The following GALNT13 variants were observed in gnomAD, a reference collection of about 807,000 sequenced individuals.
GALNT13 encodes the protein polypeptide N-acetylgalactosaminyltransferase 13.
A neutral mutation model predicts 64.2 loss-of-function variants in GALNT13; 28 were observed. That is an observed-to-expected ratio of 0.44 (90% CI 0.32 to 0.60). The LOEUF (loss-of-function observed/expected upper bound fraction) is 0.60. Among genes scored for constraint, GALNT13 ranks in the 20% least tolerant of loss-of-function variants. GALNT13 has a pLI of 0.05. For missense variants in GALNT13, 577 were observed against 669.8 expected (o/e 0.86, Z 1.53); for synonymous variants, 214 against 224.6 (o/e 0.95, Z 0.42).
At chr2:154,145,995 C>A (rs1054693220) in intron 4 of GALNT13, among the ~76,000 whole-genome samples, 6 of 151,828 alleles carry the variant, frequency 4.0e-5, no homozygotes, top group African/African-American at 1.4e-4. Context: ...TAAAAATCTT[C>A]CCTGTGAAGA....
At chr2:154,272,568 A>T (rs1043855423) in intron 8 of GALNT13, among the ~76,000 whole-genome samples, 7 of 152,112 alleles carry the variant, frequency 4.6e-5, no homozygotes, top group African/African-American at 1.7e-4. Flanking sequence ...CAGCGGTTTG[A>T]ATTTATGGCA....
chr2:153,353,828 T>A, the GALNT13 span, among the ~76,000 whole-genome samples: 3 of 152,208 alleles, frequency 2.0e-5, no homozygotes, highest in African/African-American at 7.2e-5. Context: ...ATTCTTTTGA[T>A]ATATCTTTGG....
chr2:153,636,871 T>C, the GALNT13 span, among the ~76,000 whole-genome samples: 4 of 152,106 alleles, frequency 2.6e-5, no homozygotes, highest in African/African-American at 9.7e-5. Flanking sequence ...TAGTCTAGCC[T>C]GGAGAGGATA....
rs1324392148 is a variant in GALNT13 at position 154,417,493 on chromosome 2, A to ATTTATTTATTTATTTG, written c.1395+8426_1395+8427insGTTTATTTATTTATTT. On this transcript the variant is annotated intron_variant, in intron 11 of 12. Coordinates refer to ENST00000392825, the MANE Select transcript of GALNT13 (RefSeq NM_052917.4). ...TTTGCCATGACCTTGCCATGCTTTT[A>ATTTATTTATTTATTTG]TTTATTTATTTATTTATTTATTTAT... Among the ~76,000 whole-genome samples the ATTTATTTATTTATTTG allele has an allele frequency of 1.5e-3, 184 of 122,066 alleles. 1 individual carries two copies. Among genetic ancestry groups the ATTTATTTATTTATTTG allele is most frequent in the African/African-American group, 6.0e-3 (170 of 28,142 alleles). The allele number at this position is 122,066 out of a possible 152,430, so 80.1% of individuals were successfully genotyped here. A position where few individuals can be genotyped will look rare whatever the true frequency, so the allele number is the denominator to read the frequency against.
At chr2:153,905,214 A>G (rs1395075665) in intron 2 of GALNT13, among the ~76,000 whole-genome samples, 2 of 151,980 alleles carry the variant, frequency 1.3e-5, no homozygotes, top group African/African-American at 4.8e-5. Flanking sequence ...TCTATTGTTA[A>G]GTAAATTTTT....
At chr2:153,490,909 G>A in the GALNT13 span, among the ~76,000 whole-genome samples, 69,922 of 149,796 alleles carry the variant, frequency 0.47, 16,933 homozygotes, top group East Asian at 0.75. Context: ...GCAATGAGCC[G>A]AGATTGTGCC....
At chr2:153,297,990 T>C in the GALNT13 span, among the ~76,000 whole-genome samples, 1 of 152,182 alleles carries the variant, frequency 6.6e-6, no homozygotes, top group Non-Finnish European at 1.5e-5. Flanking sequence ...TTAGGAGTTC[T>C]TGCAGCTAAA....
intron 3 of GALNT13, among the ~76,000 whole-genome samples, chr2:153,960,730 C>T (rs1468963804): frequency 6.6e-6 from 1 of 152,132 alleles, no homozygotes; most frequent in African/African-American, 2.4e-5. Flanking sequence ...AGCTGGTCTT[C>T]AGTCTGGTCC....
intron 4 of GALNT13, among the ~76,000 whole-genome samples, chr2:154,158,485 G>C (rs1482797396): frequency 6.6e-6 from 1 of 152,080 alleles, no homozygotes; most frequent in African/African-American, 2.4e-5. Flanking sequence ...TTTTGGTTTT[G>C]TTTTTATTTG....
chr2:154,363,861 C>T (rs1697214792), intron 9 of GALNT13, among the ~76,000 whole-genome samples: 1 of 152,170 alleles, frequency 6.6e-6, no homozygotes, highest in Non-Finnish European at 1.5e-5. Context: ...TATTTGAGAA[C>T]TGCCTAGTGG....
the GALNT13 span, chr2:153,173,093 ATCTATG>A: frequency 6.6e-6 from 1 of 151,928 alleles, no homozygotes; most frequent in African/African-American, 2.4e-5. Context: ...CTATATCTAT[ATCTATG>A]TCTATATCTA....
chr2:154,385,142 A>G (rs551079100), intron 9 of GALNT13, among the ~76,000 whole-genome samples: 1 of 152,130 alleles, frequency 6.6e-6, no homozygotes, highest in South Asian at 2.1e-4. Context: ...AGAAACAGTT[A>G]TATCTAACTA....
chr2:153,986,768 T>C (rs1694828285), intron 3 of GALNT13, among the ~76,000 whole-genome samples: 1 of 151,788 alleles, frequency 6.6e-6, no homozygotes, highest in Non-Finnish European at 1.5e-5. Flanking sequence ...ACAAAGTGGA[T>C]GAAGGGGAGA....
rs184746256 is a variant in GALNT13 at position 154,398,101 on chromosome 2, C to A, written c.1296+1971C>A. Among the ~76,000 whole-genome samples the A allele has an allele frequency of 2.3e-3, 352 of 152,138 alleles. 1 individual carries two copies. The highest frequency in any genetic ancestry group is 8.1e-3 in the African/African-American group (335 of 41,502). On this transcript the variant is annotated intron_variant, in intron 10 of 12. Transcript: ENST00000392825. ...AGATCTCTGATAAAATATTTAATAC[C>A]CTTATCACTTTATTGAAAATTTGTT...
intron 10 of GALNT13, among the ~76,000 whole-genome samples, chr2:154,405,436 A>G (rs1394203042): frequency 1.3e-5 from 2 of 152,064 alleles, no homozygotes; most frequent in Non-Finnish European, 2.9e-5. Context: ...AGAAAAACCA[A>G]TGAAATAAAA....
intron 3 of GALNT13, among the ~76,000 whole-genome samples, chr2:154,098,909 A>AT (rs61497570): frequency 0.38 from 57,430 of 149,670 alleles, 11,343 homozygotes; most frequent in East Asian, 0.66. Flanking sequence ...GTATATAATG[A>AT]TTTTTTTTTT....
chr2:153,412,717 A>G, the GALNT13 span, among the ~76,000 whole-genome samples: 2 of 152,190 alleles, frequency 1.3e-5, no homozygotes, highest in Non-Finnish European at 1.5e-5. Context: ...TTGTTCAAAG[A>G]ACACCCAGGC....
At chr2:153,629,803 A>G in the GALNT13 span, among the ~76,000 whole-genome samples, 1 of 146,938 alleles carries the variant, frequency 6.8e-6, no homozygotes, top group Non-Finnish European at 1.5e-5. Context: ...ATTTACAAGA[A>G]AAAAGCAAAC....
chr2:153,619,682 T>C, the GALNT13 span, among the ~76,000 whole-genome samples: 1 of 152,122 alleles, frequency 6.6e-6, no homozygotes, highest in Non-Finnish European at 1.5e-5. Context: ...CTTTATTTCT[T>C]CTTCATGTTT....
Sources: gnomAD v4.1 joint callset for allele counts (sites outside exome capture counted in the v4.1 genomes callset) on GRCh38, gnomAD v4.1.1 for gene constraint, MANE v1.5 for transcripts, NCBI Gene and HGNC (gene_info 2026-07-23, HGNC 2026-07-21) for gene names.